DSCAM: variants seen among roughly 807,000 people sequenced by gnomAD.
The protein encoded by DSCAM is DS cell adhesion molecule, also known as cell adhesion molecule DSCAM.
In DSCAM, 47 loss-of-function variants were observed where a neutral mutation model predicts 217.7. The observed-to-expected ratio is 0.22, with a 90% confidence interval of 0.17 to 0.28. The LOEUF is 0.28. DSCAM is among the 10% of genes least tolerant of loss of function. DSCAM has a pLI of 1.00. For missense variants in DSCAM, 2,080 were observed against 2,618.3 expected, an observed-to-expected ratio of 0.79 and a Z score of 4.49; for synonymous variants, 1,056 against 1,015.3, an observed-to-expected ratio of 1.04 and a Z score of -0.76.
At chr21:40,723,278 C>A (rs2090921669) in intron 1 of DSCAM, among the ~76,000 whole-genome samples, 1 of 152,086 alleles carries the variant, frequency 6.6e-6, no homozygotes, top group Non-Finnish European at 1.5e-5. Flanking sequence ...GGTCCCCAAT[C>A]CCCTTCCAAC....
chr21:40,498,715 G>GTATA (rs201435587), intron 3 of DSCAM, among the ~76,000 whole-genome samples: 4 of 16,094 alleles, frequency 2.5e-4, no homozygotes, highest in Non-Finnish European at 3.3e-4. Flanking sequence ...ATATATGGGT[G>GTATA]TATATATATA....
At chr21:40,301,998 G>A (rs2074021906) in intron 9 of DSCAM, among the ~76,000 whole-genome samples, 1 of 152,142 alleles carries the variant, frequency 6.6e-6, no homozygotes, top group South Asian at 2.1e-4. Flanking sequence ...GTTGCCGTTT[G>A]GGCCAAAACT....
rs531612285 is a variant in DSCAM, at chr21:40,708,068, A to AT, written c.361+385dup. On this transcript the variant is annotated intron_variant, in intron 2 of 32. Coordinates refer to ENST00000400454, the MANE Select transcript of DSCAM (RefSeq NM_001389.5). ...TTTTATTCCAGCTCAACCATTTGTC[A>AT]TTTTTTTCTCTCTCTTTCTCCTCCC... 1.3e-4 allele frequency among the ~76,000 whole-genome samples: 20 copies of AT among 152,184 alleles called. No individual in the cohort carries two copies. The East Asian group carries it at 3.5e-3, about 27-fold the overall frequency.
chr21:40,406,426 A>T (rs1368655754), intron 3 of DSCAM, among the ~76,000 whole-genome samples: 1 of 152,252 alleles, frequency 6.6e-6, no homozygotes, highest in Non-Finnish European at 1.5e-5. Context: ...TAATGAATAA[A>T]GAAAATATGT....
intron 1 of DSCAM, among the ~76,000 whole-genome samples, chr21:40,786,806 T>C (rs1380700122): frequency 6.6e-6 from 1 of 152,246 alleles, no homozygotes; most frequent in Non-Finnish European, 1.5e-5. Flanking sequence ...TACTATAGGC[T>C]ACCACTAAAA....
intron 3 of DSCAM, among the ~76,000 whole-genome samples, chr21:40,668,983 A>C (rs2090236594): frequency 6.6e-6 from 1 of 152,174 alleles, no homozygotes; most frequent in South Asian, 2.1e-4. Context: ...CCTCCGTGCC[A>C]AACACACACA....
intron 3 of DSCAM, among the ~76,000 whole-genome samples, chr21:40,567,824 A>G (rs578221706): frequency 6.6e-6 from 1 of 152,360 alleles, no homozygotes; most frequent in South Asian, 2.1e-4. Context: ...ATGGATTTGA[A>G]AATTATCAGA....
intron 19 of DSCAM, among the ~76,000 whole-genome samples, chr21:40,126,737 G>A (rs2090097998): frequency 6.6e-6 from 1 of 152,218 alleles, no homozygotes; most frequent in Non-Finnish European, 1.5e-5. Context: ...CTGTGTCACA[G>A]CCGATCAAGG....
Position 40,438,757 on chromosome 21 carries a change from A to G in DSCAM, c.509-69512T>C, listed in dbSNP as rs146511010. Among the ~76,000 whole-genome samples, 249 of 152,302 alleles carry G rather than the reference A, an allele frequency of 1.6e-3. 1 individual carries two copies. Among genetic ancestry groups the G allele is most frequent in the African/African-American group, 5.6e-3 (231 of 41,552 alleles). ...GAGGGTGTCTTCTGGCACCTTTTGA[A>G]AAACAGCAGACCTTTCATCTCTCAC... On this transcript the variant is annotated intron_variant, in intron 3 of 32. Coordinates refer to ENST00000400454, the MANE Select transcript of DSCAM (RefSeq NM_001389.5).
At chr21:40,812,805 G>T (rs1482790668) in intron 1 of DSCAM, among the ~76,000 whole-genome samples, 1 of 152,162 alleles carries the variant, frequency 6.6e-6, no homozygotes, top group African/African-American at 2.4e-5. Context: ...GCACAACCCA[G>T]TTGATACAGA....
chr21:40,015,748 C>T (rs2088146426), intron 32 of DSCAM, among the ~76,000 whole-genome samples: 1 of 152,154 alleles, frequency 6.6e-6, no homozygotes, highest in South Asian at 2.1e-4. Flanking sequence ...CCTTCTCATT[C>T]CCATCTTCAG....
chr21:40,059,924 G>A (rs1249283613), intron 28 of DSCAM, among the ~76,000 whole-genome samples: 1 of 152,022 alleles, frequency 6.6e-6, no homozygotes, highest in East Asian at 1.9e-4. Flanking sequence ...GGACCCCCTG[G>A]GCCATGTCCA....
At chr21:40,295,953 C>T (rs935524396) in intron 10 of DSCAM, 102 bp downstream of exon 10, 8 of 1,390,820 alleles carry the variant, frequency 5.8e-6, no homozygotes, top group Non-Finnish European at 6.8e-6. Flanking sequence ...AGATACGTAT[C>T]TACTTGCAAG....
rs193227005 is a variant in DSCAM, at chr21:40,326,450, T to G, written c.1783+11651A>C. On this transcript the variant is annotated intron_variant, in intron 8 of 32. Transcript: ENST00000400454. ...TTCAAAGGAAAGGAGCTGCTGAACTTCGTTGCATACAAAGTATTTAAACAA... is the reference window on the plus strand; with the variant it reads ...TTCAAAGGAAAGGAGCTGCTGAACTGCGTTGCATACAAAGTATTTAAACAA... Among the ~76,000 whole-genome samples the G allele has an allele frequency of 1.5e-3, 230 of 152,330 alleles. 1 individual carries two copies. The highest frequency in any genetic ancestry group is 5.3e-3 in the African/African-American group (219 of 41,576).
chr21:40,033,973 T>A (rs1160424401), intron 32 of DSCAM, among the ~76,000 whole-genome samples: 1 of 125,478 alleles, frequency 8.0e-6, no homozygotes, highest in Non-Finnish European at 1.7e-5. Flanking sequence ...GGGTCCTGTC[T>A]GTTAGAAGGA....
chr21:40,183,104 T>C (rs9980036), intron 14 of DSCAM, among the ~76,000 whole-genome samples: 5,331 of 7,510 alleles, frequency 0.71, 2,065 homozygotes, highest in Middle Eastern at 0.83. Context: ...ACGGGGGGGG[T>C]TACCAGAGAA....
intron 11 of DSCAM, among the ~76,000 whole-genome samples, chr21:40,198,206 G>C (rs1167333707): frequency 2.0e-5 from 3 of 152,148 alleles, no homozygotes; most frequent in Non-Finnish European, 4.4e-5. Flanking sequence ...GGAGGCTTTT[G>C]TTCAAAAAGC....
chr21:40,258,008 T>C (rs989748820), intron 11 of DSCAM, among the ~76,000 whole-genome samples: 1 of 152,232 alleles, frequency 6.6e-6, no homozygotes, highest in Non-Finnish European at 1.5e-5. Context: ...AATCAATGGC[T>C]ACAGACTCAG....
intron 32 of DSCAM, among the ~76,000 whole-genome samples, chr21:40,018,334 ATTAT>A (rs890191412): frequency 1.2e-4 from 18 of 151,966 alleles, no homozygotes; most frequent in East Asian, 3.9e-4. Flanking sequence ...TGTTAATTTT[ATTAT>A]TTATTTATTT....
Sources: allele counts gnomAD v4.1 joint callset (sites outside exome capture counted in the v4.1 genomes callset), GRCh38; gene constraint gnomAD v4.1.1; transcripts MANE v1.5; gene names NCBI Gene and HGNC (gene_info 2026-07-23, HGNC 2026-07-21).